RYR2: variants seen among roughly 807,000 people sequenced by gnomAD.
The protein encoded by RYR2 is ryanodine receptor 2.
Under a neutral mutation model 601.1 loss-of-function variants are expected in RYR2, and 227 were observed. The ratio of observed to expected loss-of-function variants is 0.38; its 90% confidence interval spans 0.34 to 0.42. The LOEUF (loss-of-function observed/expected upper bound fraction) is 0.42. Among genes scored for constraint, RYR2 ranks in the 10% least tolerant of loss-of-function variants. The pLI is 1.00. For synonymous variants in RYR2, 2,223 were observed against 2,175.1 expected (o/e 1.02, Z -0.61); for missense variants, 4,646 against 6,156.5 (o/e 0.75, Z 8.21).
At chr1:237,361,334 A>T (rs1699766321) in intron 4 of RYR2, among the ~76,000 whole-genome samples, 2 of 152,338 alleles carry the variant, frequency 1.3e-5, no homozygotes, top group South Asian at 4.1e-4. Context: ...TTTTCTCAAC[A>T]TAATGAAGTT....
intron 4 of RYR2, among the ~76,000 whole-genome samples, chr1:237,357,050 CT>C (rs5781951): frequency 0.29 from 43,974 of 151,148 alleles, 7,262 homozygotes; most frequent in African/African-American, 0.45. Context: ...GTTCTCTTGT[CT>C]TTTTTTTTAA....
At chr1:237,416,297 G>C (rs994236673) in intron 10 of RYR2, among the ~76,000 whole-genome samples, 1 of 152,140 alleles carries the variant, frequency 6.6e-6, no homozygotes, top group African/African-American at 2.4e-5. Context: ...CCTATAGAGA[G>C]GAAGACAGTT....
intron 31 of RYR2, 52 bp from the exon 32 acceptor site, chr1:237,591,687 G>C: frequency 4.2e-6 from 6 of 1,433,788 alleles, no homozygotes; most frequent in Non-Finnish European, 5.8e-6. Flanking sequence ...CATATTTGAA[G>C]TAGACAGAAC....
At chr1:237,607,074 G>A (rs1677208101) in intron 35 of RYR2, among the ~76,000 whole-genome samples, 1 of 152,180 alleles carries the variant, frequency 6.6e-6, no homozygotes, top group Admixed American at 6.5e-5. Context: ...CCATTACTGG[G>A]TATATACCCA....
intron 80 of RYR2, among the ~76,000 whole-genome samples, chr1:237,752,659 T>C (rs921762264): frequency 3.3e-5 from 5 of 152,178 alleles, no homozygotes; most frequent in Non-Finnish European, 7.4e-5. Flanking sequence ...TTAGTCTGAG[T>C]TGACCTGTTT....
At chr1:237,603,887 A>G (rs942023464) in intron 35 of RYR2, among the ~76,000 whole-genome samples, 5 of 152,246 alleles carry the variant, frequency 3.3e-5, no homozygotes, top group African/African-American at 1.2e-4. Context: ...CTAAATATAT[A>G]TGCACCCAAT....
At position 237,700,317 on chromosome 1, in the gene RYR2, G is replaced by A; in HGVS notation, c.9217G>A (p.Glu3073Lys). 1.3e-6 allele frequency: 2 copies of A among 1,595,826 alleles called. No individual in the cohort carries two copies. The highest frequency in any genetic ancestry group is 1.7e-6 in the Non-Finnish European group (2 of 1,170,450). The change falls in exon 65 of 105, where the codon GAA becomes AAA. Residue 3073 changes from glutamate (E) to lysine (K), a missense_variant. By Grantham distance (56) the Glu-to-Lys change is moderately conservative. Transcript: ENST00000366574. ...TGCAGAGGATCTGGAGAAGACCATG[G>A]AAAACCTCAAGCAGGGCCAGTTCAC... ...NAAEDLEKTM[E>K]NLKQGQFTHT... is the part of the protein sequence containing the mutation.
chr1:237,400,563 G>C (rs1044898684), intron 10 of RYR2, among the ~76,000 whole-genome samples: 2 of 152,128 alleles, frequency 1.3e-5, no homozygotes, highest in Admixed American at 6.5e-5. Context: ...ATTAGGGCTT[G>C]ATTTCCTCAC....
intron 1 of RYR2, among the ~76,000 whole-genome samples, chr1:237,117,840 G>T (rs1323407118): frequency 6.6e-6 from 1 of 152,046 alleles, no homozygotes; most frequent in East Asian, 1.9e-4. Context: ...CTCCCTCCTG[G>T]GTTCAAATGA....
At chr1:237,452,799 G>A (rs1418544233) in intron 14 of RYR2, among the ~76,000 whole-genome samples, 2 of 150,742 alleles carry the variant, frequency 1.3e-5, no homozygotes, top group African/African-American at 4.9e-5. Context: ...TATATTTTTT[G>A]TTCTTCATAA....
chr1:237,065,670 A>G (rs900716046), intron 1 of RYR2, among the ~76,000 whole-genome samples: 9 of 152,092 alleles, frequency 5.9e-5, no homozygotes, highest in Non-Finnish European at 1.2e-4. Context: ...CCATCTCTGT[A>G]ATTTTGTCAT....
intron 1 of RYR2, among the ~76,000 whole-genome samples, chr1:237,111,462 C>T (rs1054175422): frequency 6.6e-6 from 1 of 152,074 alleles, no homozygotes; most frequent in African/African-American, 2.4e-5. Context: ...GTGGCAGGTG[C>T]CTGTTGTCCC....
intron 1 of RYR2, among the ~76,000 whole-genome samples, chr1:237,251,812 A>G (rs1687491067): frequency 1.3e-5 from 2 of 152,038 alleles, no homozygotes; most frequent in South Asian, 4.2e-4. Context: ...TTGGCTTCAC[A>G]TTCTCCTCCC....
At chr1:237,380,411 TA>T (rs1558718345) in intron 8 of RYR2, among the ~76,000 whole-genome samples, 10 of 41,384 alleles carry the variant, frequency 2.4e-4, no homozygotes, top group African/African-American at 8.2e-4. Context: ...TATATATATA[TA>T]TATATATATA....
At position 237,469,370 on chromosome 1, in the gene RYR2, C is replaced by T. The variant is rs10925426; in HGVS notation, c.1708+183C>T. 0.49 allele frequency among the ~76,000 whole-genome samples: 73,933 copies of T among 151,002 alleles called. 19,168 individuals are homozygous for T. The highest frequency in any genetic ancestry group is 0.74 in the East Asian group (3,822 of 5,134). ...ATCACTTGAGGCTAGGAGTTTGAGG[C>T]TGTAGTGCACTATGGTCACTGCACT... On this transcript the variant is annotated intron_variant, in intron 17 of 104. Coordinates refer to ENST00000366574, the MANE Select transcript of RYR2 (RefSeq NM_001035.3).
chr1:237,073,142 G>A, intron 1 of RYR2, among the ~76,000 whole-genome samples: 1 of 152,112 alleles, frequency 6.6e-6, no homozygotes, highest in Non-Finnish European at 1.5e-5. Context: ...GTCATTTTAA[G>A]GAATTTGGAT....
At chr1:237,497,880 G>A (rs1057273989) in intron 20 of RYR2, among the ~76,000 whole-genome samples, 4 of 150,180 alleles carry the variant, frequency 2.7e-5, no homozygotes, top group Non-Finnish European at 4.4e-5. Flanking sequence ...TTTTTTTTTC[G>A]AGACAGAGTC....
At chr1:237,222,257 C>T (rs1683877891) in intron 1 of RYR2, among the ~76,000 whole-genome samples, 1 of 151,878 alleles carries the variant, frequency 6.6e-6, no homozygotes, top group Non-Finnish European at 1.5e-5. Context: ...TACTAAAATA[C>T]AAAAAATTAG....
At chr1:237,571,762 G>A (rs568342406) in intron 29 of RYR2, among the ~76,000 whole-genome samples, 1 of 152,160 alleles carries the variant, frequency 6.6e-6, no homozygotes, top group Admixed American at 6.5e-5. Context: ...AAAGATAATA[G>A]GAATTTTACA....
Sources: gnomAD v4.1 joint callset for allele counts (sites outside exome capture counted in the v4.1 genomes callset) on GRCh38, gnomAD v4.1.1 for gene constraint, MANE v1.5 for transcripts, NCBI Gene and HGNC (gene_info 2026-07-23, HGNC 2026-07-21) for gene names.